COLEC10: variants seen among roughly 807,000 people sequenced by gnomAD.
COLEC10 encodes collectin subfamily member 10.
In COLEC10, 22 loss-of-function variants were observed where a neutral mutation model predicts 28.4. The ratio of observed to expected loss-of-function variants is 0.78; its 90% CI spans 0.55 to 1.11. The LOEUF (loss-of-function observed/expected upper bound fraction) is 1.11. COLEC10 is among the 50% of genes least tolerant of loss of function. The pLI is 0.00. For missense variants in COLEC10, 361 were observed against 344.1 expected (o/e 1.05, Z -0.39); for synonymous variants, 125 against 116.1 (o/e 1.08, Z -0.49).
Position 118,998,666 on chromosome 8 carries a change from G to A in COLEC10, n.122+3093G>A, listed in dbSNP as rs369341295. Among the ~76,000 whole-genome samples the A allele has an allele frequency of 1.0e-4, 14 of 136,494 alleles. No homozygotes were observed. In the East Asian group the frequency reaches 1.1e-3, roughly 10 times the overall value. The allele number at this position is 136,494 out of a possible 152,430, so 89.5% of individuals were successfully genotyped here. On this transcript the variant is annotated intron_variant and non_coding_transcript_variant, in intron 1 of 6. Transcript: ENST00000521788. Reference sequence around the variant, plus strand: ...ATCCTGGCTAATATGGAGAAACCCCGTCTCTACTGAAAAATACAAAAAAAA... The same window carrying A: ...ATCCTGGCTAATATGGAGAAACCCCATCTCTACTGAAAAATACAAAAAAAA...
At chr8:119,037,857 C>G (rs1377517310) in intron 2 of COLEC10, among the ~76,000 whole-genome samples, 1 of 152,166 alleles carries the variant, frequency 6.6e-6, no homozygotes, top group East Asian at 1.9e-4. Flanking sequence ...TCTATAAAAG[C>G]AATAATTCCA....
the COLEC10 span, among the ~76,000 whole-genome samples, chr8:118,988,281 C>T: frequency 6.6e-6 from 1 of 152,080 alleles, no homozygotes; most frequent in African/African-American, 2.4e-5. Context: ...CCTTAGGGTT[C>T]TGGCGGTGGA....
intron 2 of COLEC10, among the ~76,000 whole-genome samples, chr8:119,029,337 G>T (rs563755397): frequency 6.6e-6 from 1 of 152,142 alleles, no homozygotes; most frequent in African/African-American, 2.4e-5. Context: ...TCTGGGAGAC[G>T]ATCAGCAATC....
intron 2 of COLEC10, among the ~76,000 whole-genome samples, chr8:119,036,146 T>C (rs1814386443): frequency 6.6e-6 from 1 of 152,226 alleles, no homozygotes; most frequent in Non-Finnish European, 1.5e-5. Flanking sequence ...CTTCTTTCTC[T>C]AGCATCTCTC....
intron 2 of COLEC10, among the ~76,000 whole-genome samples, chr8:119,024,991 G>T (rs1440532371): frequency 6.6e-6 from 1 of 152,028 alleles, no homozygotes; most frequent in African/African-American, 2.4e-5. Flanking sequence ...ACAATGAGCT[G>T]GGAATTTACA....
chr8:119,002,104 C>T (rs996041439), intron 1 of COLEC10, among the ~76,000 whole-genome samples: 1 of 152,132 alleles, frequency 6.6e-6, no homozygotes, highest in African/African-American at 2.4e-5. Context: ...TACAGTCCTA[C>T]TTCATAAACA....
chr8:119,075,265 G>A (rs1160713293), intron 1 of COLEC10, among the ~76,000 whole-genome samples: 2 of 152,154 alleles, frequency 1.3e-5, no homozygotes, highest in Admixed American at 6.5e-5. Flanking sequence ...GCATGGAGTG[G>A]TTAGACTCTT....
chr8:118,969,785 T>A, the COLEC10 span, among the ~76,000 whole-genome samples: 8 of 151,860 alleles, frequency 5.3e-5, no homozygotes, highest in Non-Finnish European at 1.0e-4. Flanking sequence ...TTACACGCAC[T>A]GTAGCAAATT....
At chr8:118,996,215 G>A (rs1813586496) in intron 1 of COLEC10, among the ~76,000 whole-genome samples, 1 of 152,138 alleles carries the variant, frequency 6.6e-6, no homozygotes, top group Non-Finnish European at 1.5e-5. Flanking sequence ...AGTTTCCTTT[G>A]GCTAAGGCTG....
chr8:118,969,397 T>C, the COLEC10 span, among the ~76,000 whole-genome samples: 1 of 152,104 alleles, frequency 6.6e-6, no homozygotes, highest in South Asian at 2.1e-4. Flanking sequence ...AATCTCCTCA[T>C]TTTTGATTAA....
chr8:119,067,706 G>T, intron 1 of COLEC10: 1 of 318,994 alleles, frequency 3.1e-6, no homozygotes, highest in Non-Finnish European at 5.8e-6. Flanking sequence ...GTTCCATTCT[G>T]CTCCGGGGCA....
At chr8:118,955,270 G>T in the COLEC10 span, among the ~76,000 whole-genome samples, 2 of 152,118 alleles carry the variant, frequency 1.3e-5, no homozygotes, top group Admixed American at 1.3e-4. Flanking sequence ...AGGTCATCTA[G>T]ACTATGTTTT....
At chr8:118,967,339 C>T in the COLEC10 span, among the ~76,000 whole-genome samples, 15 of 152,078 alleles carry the variant, frequency 9.9e-5, no homozygotes, top group African/African-American at 3.6e-4. Context: ...CCAAAGTCTG[C>T]ATAGGCAGCT....
In COLEC10 at chr8:119,006,167, G is replaced by T. The variant is rs77691470; in HGVS notation, n.123-3274G>T. Among the ~76,000 whole-genome samples the T allele has an allele frequency of 3.2e-4, 49 of 152,082 alleles. No homozygotes were observed. In the East Asian group the frequency reaches 9.3e-3, roughly 29 times the overall value. ...ATTTCTGGCTTCTTTATGCTCACAG[G>T]GTCCAGGTGCTCAGGAGGGAATGTT... is the stretch of plus-strand genomic sequence containing the variant. On this transcript the variant is annotated intron_variant and non_coding_transcript_variant, in intron 1 of 6. Transcript: ENST00000521788.
intron 5 of COLEC10, 76 bp downstream of exon 5, chr8:119,103,971 G>A (rs1279606400): frequency 2.0e-6 from 2 of 1,023,130 alleles, no homozygotes; most frequent in Non-Finnish European, 3.1e-6. Context: ...ACTCTTAGAT[G>A]GAAATATCTT....
At chr8:119,086,405 C>T (rs1258983189) in intron 1 of COLEC10, among the ~76,000 whole-genome samples, 1 of 151,816 alleles carries the variant, frequency 6.6e-6, no homozygotes, top group African/African-American at 2.4e-5. Context: ...GGGTCCCTAT[C>T]CAAAGCTTGC....
At chr8:119,027,280 G>C (rs1316888943) in intron 2 of COLEC10, among the ~76,000 whole-genome samples, 1 of 152,014 alleles carries the variant, frequency 6.6e-6, no homozygotes, top group Admixed American at 6.6e-5. Flanking sequence ...TATAACCTTG[G>C]ACTTCTCCTA....
intron 2 of COLEC10, among the ~76,000 whole-genome samples, chr8:119,052,992 G>T (rs1282323302): frequency 6.6e-6 from 1 of 152,070 alleles, no homozygotes; most frequent in Non-Finnish European, 1.5e-5. Flanking sequence ...CGTGGAGGAG[G>T]AAAGTCCTGA....
intron 2 of COLEC10, among the ~76,000 whole-genome samples, chr8:119,019,226 T>C (rs1272080874): frequency 2.0e-5 from 3 of 152,124 alleles, no homozygotes; most frequent in South Asian, 2.1e-4. Flanking sequence ...GTTGAAACAA[T>C]ATTCACAGTT....
Sources: gnomAD v4.1 joint callset for allele counts (sites outside exome capture counted in the v4.1 genomes callset) on GRCh38, gnomAD v4.1.1 for gene constraint, MANE v1.5 for transcripts, NCBI Gene and HGNC (gene_info 2026-07-23, HGNC 2026-07-21) for gene names.